JAK1: variants seen among roughly 807,000 people sequenced by gnomAD.
JAK1 encodes the protein Janus kinase 1, also known as tyrosine-protein kinase JAK1.
Under a neutral mutation model 136.6 loss-of-function variants are expected in JAK1, and 16 were observed. The ratio of observed to expected loss-of-function variants is 0.12; its 90% confidence interval spans 0.08 to 0.18. The LOEUF (loss-of-function observed/expected upper bound fraction) is 0.18, where lower values mean the gene tolerates loss of function less well. Among genes scored for constraint, JAK1 ranks in the 10% least tolerant of loss-of-function variants. JAK1 has a pLI of 1.00. For missense variants in JAK1, 859 were observed against 1,450.1 expected, an observed-to-expected ratio of 0.59 and a Z score of 6.62; for synonymous variants, 492 against 519.5, an observed-to-expected ratio of 0.95 and a Z score of 0.72.
chr1:65,054,998 T>C (rs1043670490), intron 1 of JAK1, among the ~76,000 whole-genome samples: 1 of 152,234 alleles, frequency 6.6e-6, no homozygotes, highest in Non-Finnish European at 1.5e-5. Context: ...AGGGTTATTA[T>C]CCTGAATCTC....
intron 2 of JAK1, among the ~76,000 whole-genome samples, chr1:65,030,872 T>C (rs1430597079): frequency 6.6e-6 from 1 of 151,938 alleles, no homozygotes; most frequent in Non-Finnish European, 1.5e-5. Context: ...GAAAAAACGG[T>C]GGCCAGTGCA....
intron 2 of JAK1, among the ~76,000 whole-genome samples, chr1:65,017,076 G>A (rs934313384): frequency 1.5e-4 from 23 of 152,084 alleles, no homozygotes; most frequent in Admixed American, 1.4e-3. Flanking sequence ...AATTATATAA[G>A]AGAAAAATCA....
chr1:64,944,152 G>A (rs1443633713), intron 1 of JAK1, among the ~76,000 whole-genome samples: 4 of 150,168 alleles, frequency 2.7e-5, no homozygotes, highest in Admixed American at 2.7e-4. Context: ...AACCCAGGAG[G>A]CGGAGCTTGC....
intron 3 of JAK1, among the ~76,000 whole-genome samples, chr1:64,882,897 G>A (rs998970969): frequency 1.4e-4 from 21 of 152,216 alleles, no homozygotes; most frequent in Non-Finnish European, 4.4e-5. Flanking sequence ...GCTACTTGCT[G>A]AGCAGGGACT....
chr1:65,066,285 C>G (rs1557784007), intron 1 of JAK1, among the ~76,000 whole-genome samples: 1 of 152,118 alleles, frequency 6.6e-6, no homozygotes, highest in Non-Finnish European at 1.5e-5. Flanking sequence ...AAGTCCCCTC[C>G]CCCTTCCTGA....
chr1:64,886,465 A>T, intron 1 of JAK1, 124 bp from the exon 2 acceptor site: 1 of 524,756 alleles, frequency 1.9e-6, no homozygotes, highest in Admixed American at 4.1e-5. Context: ...TGAGAGGAAG[A>T]AGGAAAAAAA....
intron 1 of JAK1, among the ~76,000 whole-genome samples, chr1:64,916,361 A>T (rs78302847): frequency 6.6e-6 from 1 of 152,274 alleles, no homozygotes; most frequent in East Asian, 1.9e-4. Context: ...AAATGAAAAC[A>T]CAGCTGGGAA....
chr1:64,901,229 T>C (rs1645100410), intron 1 of JAK1, among the ~76,000 whole-genome samples: 1 of 152,222 alleles, frequency 6.6e-6, no homozygotes, highest in Admixed American at 6.5e-5. Flanking sequence ...CTTCTCTGAC[T>C]ATCCCCACCT....
intron 2 of JAK1, among the ~76,000 whole-genome samples, chr1:65,027,760 A>G (rs1319851673): frequency 1.3e-5 from 2 of 152,172 alleles, no homozygotes; most frequent in African/African-American, 4.8e-5. Context: ...CCCTCAAAAA[A>G]GTCCCACGTT....
intron 2 of JAK1, among the ~76,000 whole-genome samples, chr1:65,027,951 T>C (rs1156364126): frequency 6.6e-6 from 1 of 152,202 alleles, no homozygotes; most frequent in Non-Finnish European, 1.5e-5. Flanking sequence ...CTGCCACAGC[T>C]GGCACAACCC....
At chr1:64,931,485 C>T (rs1241871699) in intron 1 of JAK1, among the ~76,000 whole-genome samples, 1 of 152,014 alleles carries the variant, frequency 6.6e-6, no homozygotes. Flanking sequence ...ACATTCAGCC[C>T]TCCCCAACCA....
chr1:64,906,379 T>A (rs76395693), intron 1 of JAK1, among the ~76,000 whole-genome samples: 5 of 151,464 alleles, frequency 3.3e-5, no homozygotes, highest in Admixed American at 3.3e-4. Context: ...ATCATCTATA[T>A]AAAAAGCAAC....
At chr1:64,875,531 A>G (rs1406139504) in intron 4 of JAK1, among the ~76,000 whole-genome samples, 1 of 152,248 alleles carries the variant, frequency 6.6e-6, no homozygotes, top group Admixed American at 6.5e-5. Context: ...CAAAAGATGA[A>G]TAAACTCAGG....
chr1:64,880,991 G>A (rs1323467624), intron 3 of JAK1, among the ~76,000 whole-genome samples: 1 of 152,016 alleles, frequency 6.6e-6, no homozygotes, highest in African/African-American at 2.4e-5. Flanking sequence ...TTTTTTGGCT[G>A]AGTTTGGTGG....
intron 1 of JAK1, among the ~76,000 whole-genome samples, chr1:64,927,924 T>C (rs1645610082): frequency 6.6e-6 from 1 of 152,198 alleles, no homozygotes; most frequent in Non-Finnish European, 1.5e-5. Flanking sequence ...CAATCTGCCT[T>C]TTACTAGCCA....
Position 64,986,070 on chromosome 1 carries a change from G to A in JAK1, c.-78+58410C>T. The A allele has an allele frequency of 2.5e-6, 3 of 1,195,012 alleles. No individual in the cohort carries two copies. The South Asian group carries it at 3.6e-5, about 14-fold the overall frequency. The allele number at this position is 1,195,012 out of a possible 1,614,324, so 74.0% of individuals were successfully genotyped here. On this transcript the variant is annotated intron_variant, in intron 2 of 25. Transcript: ENST00000671954. Reference sequence around the variant, plus strand: ...AATTGTGATGGCGAAGATCAGAGATGGGGTGACCTTCTATGTCCCCCATGG... The same window carrying A: ...AATTGTGATGGCGAAGATCAGAGATAGGGTGACCTTCTATGTCCCCCATGG...
chr1:64,914,553 G>A (rs1459110720), intron 1 of JAK1, among the ~76,000 whole-genome samples: 4 of 152,094 alleles, frequency 2.6e-5, no homozygotes, highest in Non-Finnish European at 5.9e-5. Context: ...GAAGTATCTG[G>A]GCAAATACAT....
intron 14 of JAK1, 80 bp downstream of exon 14, chr1:64,846,569 T>C (rs1269135574): frequency 2.4e-5 from 24 of 1,007,360 alleles, no homozygotes; most frequent in African/African-American, 7.9e-5. Flanking sequence ...AACGTGAGGG[T>C]GGGAAGAGCC....
chr1:64,985,006 A>G, intron 2 of JAK1: 1 of 867,574 alleles, frequency 1.2e-6, no homozygotes, highest in Non-Finnish European at 2.0e-6. Flanking sequence ...ATACAGACAA[A>G]GCTTATCCCA....
Sources: gnomAD v4.1 joint callset for allele counts (sites outside exome capture counted in the v4.1 genomes callset) on GRCh38, gnomAD v4.1.1 for gene constraint, MANE v1.5 for transcripts, NCBI Gene and HGNC (gene_info 2026-07-23, HGNC 2026-07-21) for gene names.